MICALL2: variants seen among roughly 807,000 people sequenced by gnomAD.
MICALL2 encodes the protein MICAL like 2.
MICALL2 carries 111 observed loss-of-function variants against 91.1 expected under a neutral mutation model. That is an observed-to-expected ratio of 1.22 (90% CI 1.04 to 1.43). The LOEUF is 1.43. Among genes scored for constraint, MICALL2 ranks in the 40% most tolerant of loss-of-function variants. The probability of loss-of-function intolerance (pLI) is 0.00; values close to 1 mark genes in which losing one functional copy is unlikely to be tolerated. For missense variants in MICALL2, 1,556 were observed against 1,236.0 expected (o/e 1.26, Z -3.88); for synonymous variants, 694 against 525.3 (o/e 1.32, Z -4.39).
At position 1,444,922 on chromosome 7, in the gene MICALL2, C is replaced by CG. The variant is rs1463172418; in HGVS notation, c.1147dup (p.Arg383ProfsTer37). On this transcript the variant is annotated frameshift_variant, in exon 6 of 17. Coordinates refer to ENST00000297508, the MANE Select transcript of MICALL2 (RefSeq NM_182924.4). LOFTEE classifies it high-confidence loss of function. The stretch of plus-strand genomic sequence containing the variant: ...GAGTGTGGTTTGAGGAGCTGCCACT[C>CG]GGGGGGCTCCCCCACCCTGGGGTGT... 2 of 1,536,140 alleles carry CG rather than the reference C, an allele frequency of 1.3e-6. No individual in the cohort carries two copies. Among genetic ancestry groups the CG allele is most frequent in the Admixed American group, 1.9e-5 (1 of 51,566 alleles).
At position 1,437,591 on chromosome 7, in the gene MICALL2, A is replaced by T. The variant is rs1393341726; in HGVS notation, c.2420T>A (p.Leu807Gln). ...ELMYKSKAQR[L>Q]EEQQLDIEGE... ...CTCGATGTCCAGCTGCTGCTCCTCC[A>T]GACGCTGGGCCTTGGACCTGCCGCA... is the stretch of plus-strand genomic sequence containing the variant. Residue 807 changes from leucine to glutamine, a missense_variant, in exon 14 of 17, where the codon CTG becomes CAG. By Grantham distance (113) the Leu-to-Gln change is moderately radical. Transcript: ENST00000297508. 1 of 1,538,386 alleles carries T rather than the reference A, an allele frequency of 6.5e-7. No homozygotes were observed. The highest frequency in any genetic ancestry group is 1.4e-5 in the African/African-American group (1 of 72,842).
chr7:1,457,367 C>A (rs534808779), intron 1 of MICALL2, among the ~76,000 whole-genome samples: 1 of 152,372 alleles, frequency 6.6e-6, no homozygotes, highest in South Asian at 2.1e-4. Context: ...GGTAACTCCA[C>A]ACCCACCGGA....
intron 7 of MICALL2, chr7:1,441,406 G>A (rs866148906): frequency 4.6e-5 from 7 of 153,414 alleles, no homozygotes; most frequent in South Asian, 2.0e-4. Context: ...CTAAGCCCAC[G>A]TCCTGCCCAG....
intron 6 of MICALL2, among the ~76,000 whole-genome samples, chr7:1,442,810 T>C (rs1457839449): frequency 1.3e-5 from 2 of 152,202 alleles, no homozygotes; most frequent in Non-Finnish European, 2.9e-5. Context: ...AATCCAGTGT[T>C]GGCTGAGATT....
chr7:1,437,491 G>C (rs1376136276), intron 14 of MICALL2, 44 bp downstream of exon 14: 1 of 1,484,396 alleles, frequency 6.7e-7, no homozygotes, highest in African/African-American at 1.5e-5. Context: ...GGGCTCCGCG[G>C]CATCCCTGGC....
At chr7:1,441,913 G>C (rs774047841) in intron 7 of MICALL2, 1 of 505,024 alleles carries the variant, frequency 2.0e-6, no homozygotes, top group South Asian at 2.4e-5. Flanking sequence ...AGCTGAGCGG[G>C]ACGCTGCAGG....
chr7:1,448,895 T>C, intron 2 of MICALL2, 134 bp from the exon 3 acceptor site: 1 of 1,067,160 alleles, frequency 9.4e-7, no homozygotes, highest in Non-Finnish European at 1.3e-6. Context: ...AGCTGAGTTC[T>C]GCTCGCGTGG....
chr7:1,434,464 G>A lies in MICALL2; in HGVS notation c.*132C>T, dbSNP rs765987575. On this transcript the variant is annotated 3_prime_UTR_variant, in exon 17 of 17. Transcript: ENST00000297508. ...GACAGGAGGCCCTTCCCGAGTCCAA[G>A]TCCGAATGCCGGGTCCGGGCCGAGC... 17 of 799,696 alleles carry A rather than the reference G, an allele frequency of 2.1e-5. No individual in the cohort carries two copies. Among genetic ancestry groups the A allele is most frequent in the Non-Finnish European group, 2.0e-5 (9 of 461,364 alleles). The allele number at this position is 799,696 out of a possible 1,614,324, so 49.5% of individuals were successfully genotyped here.
chr7:1,435,049 C>G, intron 16 of MICALL2, 52 bp downstream of exon 16: 1 of 1,596,858 alleles, frequency 6.3e-7, no homozygotes. Context: ...ACTCAGCATC[C>G]CCGGCCCACC....
Position 1,438,855 on chromosome 7 carries a change from G to A in MICALL2, c.2107C>T (p.Leu703Phe), listed in dbSNP as rs778917533. ...SWKEEEKKPH[L>F]QGKPGRPLSP... ...TGGGGCTGACCTGGTTTGCCCTGAAGGTGAGGTTTCTTCTCCTCCTCCTTC... is the reference window on the plus strand; with the variant it reads ...TGGGGCTGACCTGGTTTGCCCTGAAAGTGAGGTTTCTTCTCCTCCTCCTTC... The change falls in exon 10 of 17, where the codon CTT (leucine) becomes TTT (phenylalanine). Residue 703 changes from leucine to phenylalanine, a missense_variant. Physicochemically the swap from Leu to Phe is conservative, Grantham distance 22. Coordinates refer to ENST00000297508, the MANE Select transcript of MICALL2 (RefSeq NM_182924.4). 1.3e-5 allele frequency: 21 copies of A among 1,607,274 alleles called. No individual in the cohort carries two copies. The highest frequency in any genetic ancestry group is 1.2e-4 in the Admixed American group (7 of 59,912).
Position 1,445,216 on chromosome 7 carries a change from G to A in MICALL2, c.854C>T (p.Ser285Leu), listed in dbSNP as rs189001253. Residue 285 changes from serine (S) to leucine (L), a missense_variant, in exon 6 of 17, where the codon TCG becomes TTG. By Grantham distance (145) the Ser-to-Leu change is moderately radical (BLOSUM62 -2). Transcript: ENST00000297508. Reference sequence around the variant, plus strand: ...GTTGCCCGCAGCAGGCTCCCAGGCCGACGGTCTGGCCTTGTTTGCCTCCTG... The same window carrying A: ...GTTGCCCGCAGCAGGCTCCCAGGCCAACGGTCTGGCCTTGTTTGCCTCCTG... ...KAQEANKARP[S>L]AWEPAAGNSP... The A allele has an allele frequency of 6.6e-4, 1,054 of 1,606,394 alleles. 10 individuals are homozygous for A. The East Asian group carries it at 0.016, about 24-fold the overall frequency.
chr7:1,439,291 A>G, intron 9 of MICALL2: 1 of 415,754 alleles, frequency 2.4e-6, no homozygotes, highest in Admixed American at 4.1e-5. Flanking sequence ...ACACACAGAG[A>G]TGTGTGTGCA....
Position 1,437,537 on chromosome 7 carries a change from G to C in MICALL2, c.2474C>G (p.Pro825Arg). 1 of 1,526,206 alleles carries C rather than the reference G, an allele frequency of 6.6e-7. No homozygotes were observed. Among genetic ancestry groups the C allele is most frequent in the Non-Finnish European group, 8.7e-7 (1 of 1,143,222 alleles). 94.5% of individuals were successfully genotyped at this position (1,526,206 alleles called of 1,614,324 possible). ...TGGCTGGCGCGCGGGGGACGCACCG[G>C]GCTTGGCCATGAGCCGGCGCAGCTC... ...EGELRRLMAK[P>R]EALKSLQERR... Residue 825 changes from proline (P) to arginine (R), a missense_variant and splice_region_variant, in exon 14 of 17, where the codon CCC becomes CGC. Coordinates refer to ENST00000297508, the MANE Select transcript of MICALL2 (RefSeq NM_182924.4).
chr7:1,437,551 CCG>C lies in MICALL2; in HGVS notation c.2458_2459del (p.Arg820AlafsTer33). ...GGGACGCACCGGGCTTGGCCATGAGCCGGCGCAGCTCGCCCTCGATGTCCAGC... is the reference window on the plus strand; with the variant it reads ...GGGACGCACCGGGCTTGGCCATGAGCGCGCAGCTCGCCCTCGATGTCCAGC... ...QQLDIEGELR[R>X]LMAKPEALKS... On this transcript the variant is annotated frameshift_variant, in exon 14 of 17. Transcript: ENST00000297508. LOFTEE classifies it high-confidence loss of function. 6.5e-7 allele frequency: 1 copy of C among 1,530,332 alleles called. No homozygotes were observed. Among genetic ancestry groups the C allele is most frequent in the Non-Finnish European group, 8.7e-7 (1 of 1,144,600 alleles). The allele number at this position is 1,530,332 out of a possible 1,614,324, so 94.8% of individuals were successfully genotyped here. A position where few individuals can be genotyped will look rare whatever the true frequency, so the allele number is the denominator to read the frequency against.
chr7:1,454,426 G>A (rs1487458433), intron 1 of MICALL2, among the ~76,000 whole-genome samples: 2 of 140,220 alleles, frequency 1.4e-5, no homozygotes, highest in East Asian at 4.6e-4. Context: ...AGACAGCGAG[G>A]ACATGGCCAG....
chr7:1,448,758 A>C lies in MICALL2; in HGVS notation c.196T>G (p.Phe66Val), dbSNP rs1780706209. ...ENIYENNKLA[F>V]RVAEEHLGIP... ...CCCAAGTGCTCCTCGGCCACGCGGA[A>C]GGCCTGCGAAAGGTGGGAGGGGGTC... The change falls in exon 3 of 17, where the codon TTC becomes GTC. Residue 66 changes from phenylalanine (F) to valine (V), a missense_variant. Transcript: ENST00000297508. The C allele has an allele frequency of 1.9e-6, 3 of 1,612,548 alleles. No homozygotes were observed. The African/African-American group carries it at 4.0e-5, about 21-fold the overall frequency.
At chr7:1,437,458 C>T in intron 14 of MICALL2, 77 bp downstream of exon 14, 1 of 1,344,454 alleles carries the variant, frequency 7.4e-7, no homozygotes, top group Non-Finnish European at 9.8e-7. Context: ...GGTGGCCTCA[C>T]AGAGCCGGCC....
intron 7 of MICALL2, 172 bp downstream of exon 7, chr7:1,442,020 G>A: frequency 2.6e-6 from 2 of 756,580 alleles, no homozygotes; most frequent in South Asian, 1.7e-5. Flanking sequence ...CACACAGAGA[G>A]CGCACCAGGA....
rs1182090463 is a variant in MICALL2, at chr7:1,445,305, C to G, written c.765G>C (p.Leu255=). The G allele has an allele frequency of 4.3e-6, 7 of 1,611,828 alleles. No individual in the cohort carries two copies. The highest frequency in any genetic ancestry group is 5.9e-6 in the Non-Finnish European group (7 of 1,179,766). The change falls in exon 6 of 17, where the codon CTG becomes CTC. Residue 255 remains leucine (L), a synonymous_variant. Coordinates refer to ENST00000297508, the MANE Select transcript of MICALL2 (RefSeq NM_182924.4). The part of the protein sequence containing the change: ...AASASPKLTG[L]VPRQPGAMGV... ...CCATGGCCCCTGGCTGTCGGGGGACCAGACCCGTCAACTTGGGGCTTGCAG... is the reference window on the plus strand; with the variant it reads ...CCATGGCCCCTGGCTGTCGGGGGACGAGACCCGTCAACTTGGGGCTTGCAG...
Sources: allele counts gnomAD v4.1 joint callset (sites outside exome capture counted in the v4.1 genomes callset), GRCh38; gene constraint gnomAD v4.1.1; transcripts MANE v1.5; gene names NCBI Gene and HGNC (gene_info 2026-07-23, HGNC 2026-07-21).